ZNF280C: variants seen among roughly 807,000 people sequenced by gnomAD.
ZNF280C encodes suppressor of hairy wing homolog 3.
ZNF280C carries 14 observed loss-of-function variants against 53.6 expected under a neutral mutation model. The ratio of observed to expected loss-of-function variants is 0.26; its 90% CI spans 0.17 to 0.41. ZNF280C has a LOEUF of 0.41. Ranked by LOEUF, ZNF280C falls within the 10% of genes least tolerant of loss-of-function variation. The probability of loss-of-function intolerance (pLI) is 1.00; values close to 1 mark genes in which losing one functional copy is unlikely to be tolerated. For synonymous variants in ZNF280C, 203 were observed against 181.1 expected (o/e 1.12, Z -0.97); for missense variants, 416 against 547.1 (o/e 0.76, Z 2.39).
chrX:130,223,502 A>G (rs2032190668), intron 12 of ZNF280C, among the ~76,000 whole-genome samples: 1 of 112,210 alleles, frequency 8.9e-6, no homozygotes, highest in Non-Finnish European at 1.9e-5. Context: ...CACTGGGCAA[A>G]TTACTTTCTA....
intron 1 of ZNF280C, among the ~76,000 whole-genome samples, chrX:130,264,948 A>G (rs190568927): frequency 1.2e-4 from 14 of 112,062 alleles, no homozygotes; most frequent in Non-Finnish European, 2.3e-4. Context: ...TTCCTTAGAC[A>G]ATTTGACTGG....
chrX:130,220,454 T>C lies in ZNF280C; in HGVS notation c.1422A>G (p.Lys474=), dbSNP rs144797863. Residue 474 remains lysine, a synonymous_variant, in exon 13 of 19, where the codon AAA becomes AAG. Transcript: ENST00000370978. ...TGCTGGTCAAAAATTGTAGTCTGCA[T>C]TTTGGGCAACGATGAACTCCTTTTT... The part of the protein sequence containing the change: ...HQKKGVHRCP[K]CRLQFLTSKE... The C allele has an allele frequency of 2.3e-5, 28 of 1,198,947 alleles. No individual in the cohort carries two copies. In the African/African-American group the frequency reaches 4.2e-4, roughly 18 times the overall value.
intron 8 of ZNF280C, among the ~76,000 whole-genome samples, chrX:130,232,417 A>T (rs1470733917): frequency 9.1e-6 from 1 of 109,718 alleles, no homozygotes; most frequent in Non-Finnish European, 1.9e-5. Flanking sequence ...CTCTAAGAAT[A>T]ACTGGATAAA....
Position 130,203,341 on chromosome X carries a change from A to G in ZNF280C, c.*1636T>C, listed in dbSNP as rs2031934215. 9.0e-6 allele frequency: 1 copy of G among 111,617 alleles called. No homozygotes were observed. Among genetic ancestry groups the G allele is most frequent in the Non-Finnish European group, 1.9e-5 (1 of 53,124 alleles). 9.2% of individuals were successfully genotyped at this position (111,617 alleles called of 1,213,427 possible). A position where few individuals can be genotyped will look rare whatever the true frequency, so the allele number is the denominator to read the frequency against. ...CAATATAAAACCTAGCTACCAAAATAAAATTAAAAAAAAAGTTTAAAAATG... is the reference window on the plus strand; with the variant it reads ...CAATATAAAACCTAGCTACCAAAATGAAATTAAAAAAAAAGTTTAAAAATG... On this transcript the variant is annotated 3_prime_UTR_variant, in exon 19 of 19. Coordinates refer to ENST00000370978, the MANE Select transcript of ZNF280C (RefSeq NM_017666.5).
chrX:130,245,784 C>CTT (rs72420800), intron 3 of ZNF280C, among the ~76,000 whole-genome samples: 26 of 103,430 alleles, frequency 2.5e-4, no homozygotes, highest in Admixed American at 3.2e-4. Context: ...TATTTGAGGA[C>CTT]TTTTTTTTTT....
chrX:130,232,122 G>A (rs968525037), intron 8 of ZNF280C, among the ~76,000 whole-genome samples: 4 of 106,974 alleles, frequency 3.7e-5, no homozygotes, highest in African/African-American at 1.4e-4. Flanking sequence ...AGCCTGGTTG[G>A]AACTAGACTT....
rs759628718 is a variant in ZNF280C, at chrX:130,219,692, G to A, written c.1527+657C>T. Among the ~76,000 whole-genome samples, 4 of 109,643 alleles carry A rather than the reference G, an allele frequency of 3.6e-5. No individual in the cohort carries two copies. In the East Asian group the frequency reaches 1.1e-3, roughly 31 times the overall value. On this transcript the variant is annotated intron_variant, in intron 13 of 18. Coordinates refer to ENST00000370978, the MANE Select transcript of ZNF280C (RefSeq NM_017666.5). ...TGGCATTCAAGGCACTGTGACAGATGCTGGGGACACAAAGATAAATTAAAT... is the reference window on the plus strand; with the variant it reads ...TGGCATTCAAGGCACTGTGACAGATACTGGGGACACAAAGATAAATTAAAT...
At chrX:130,221,342 C>T (rs1341007722) in intron 12 of ZNF280C, among the ~76,000 whole-genome samples, 1 of 111,435 alleles carries the variant, frequency 9.0e-6, no homozygotes, top group East Asian at 2.8e-4. Flanking sequence ...TAGAATGTTC[C>T]CGCAGAGTAC....
At chrX:130,229,214 A>C in intron 9 of ZNF280C, 80 bp from the exon 10 acceptor site, 1 of 961,826 alleles carries the variant, frequency 1.0e-6, no homozygotes, top group South Asian at 2.8e-5. Context: ...TCTGAAAATA[A>C]ATTTTTAAAA....
intron 15 of ZNF280C, among the ~76,000 whole-genome samples, chrX:130,214,220 CCT>C (rs76825973): frequency 0.051 from 5,700 of 111,168 alleles, 159 homozygotes; most frequent in Admixed American, 0.082. Context: ...AAAGCAAGCC[CCT>C]GTGAATGAGG....
intron 8 of ZNF280C, among the ~76,000 whole-genome samples, chrX:130,231,062 C>G (rs1236333526): frequency 9.0e-6 from 1 of 111,237 alleles, no homozygotes; most frequent in Non-Finnish European, 1.9e-5. Flanking sequence ...CAAAATCACC[C>G]ATTTCATATC....
chrX:130,263,472 T>C (rs775592635), intron 1 of ZNF280C, among the ~76,000 whole-genome samples: 1 of 112,204 alleles, frequency 8.9e-6, no homozygotes, highest in Non-Finnish European at 1.9e-5. Flanking sequence ...ACATATTGTA[T>C]GATTTCATTC....
At chrX:130,214,231 G>A (rs1415684367) in intron 15 of ZNF280C, among the ~76,000 whole-genome samples, 5 of 111,648 alleles carry the variant, frequency 4.5e-5, no homozygotes, top group African/African-American at 1.6e-4. Context: ...CTGTGAATGA[G>A]GTTCAAATGA....
chrX:130,251,852 G>C (rs2032516580), intron 2 of ZNF280C, among the ~76,000 whole-genome samples: 1 of 110,118 alleles, frequency 9.1e-6, no homozygotes, highest in African/African-American at 3.3e-5. Context: ...AGAGGCTCAC[G>C]ACCTTAATCC....
At chrX:130,215,718 A>G in intron 14 of ZNF280C, 73 bp downstream of exon 14, 1 of 964,415 alleles carries the variant, frequency 1.0e-6, no homozygotes, top group Non-Finnish European at 1.4e-6. Context: ...AATGTGTAAG[A>G]GGGTTTTATG....
chrX:130,223,715 T>C (rs946009925), intron 12 of ZNF280C, among the ~76,000 whole-genome samples: 2 of 112,125 alleles, frequency 1.8e-5, no homozygotes, highest in Non-Finnish European at 3.8e-5. Flanking sequence ...CGTCCTTTGT[T>C]AAAAAATGTA....
At chrX:130,238,248 T>C (rs949979493) in intron 6 of ZNF280C, among the ~76,000 whole-genome samples, 1 of 111,570 alleles carries the variant, frequency 9.0e-6, no homozygotes, top group African/African-American at 3.2e-5. Flanking sequence ...TCCTTTAAAA[T>C]TGATAATGCA....
intron 2 of ZNF280C, among the ~76,000 whole-genome samples, chrX:130,251,912 AAGACC>A (rs1308218464): frequency 1.8e-5 from 2 of 111,677 alleles, no homozygotes; most frequent in Admixed American, 1.9e-4. Context: ...TCAAGAGTTT[AAGACC>A]AGCCTGGCCA....
chrX:130,258,934 T>C (rs188750219), intron 2 of ZNF280C, among the ~76,000 whole-genome samples: 1 of 112,011 alleles, frequency 8.9e-6, no homozygotes, highest in African/African-American at 3.2e-5. Flanking sequence ...AATATCTACC[T>C]AATAGAAGTG....
Sources: allele counts gnomAD v4.1 joint callset (sites outside exome capture counted in the v4.1 genomes callset), GRCh38; gene constraint gnomAD v4.1.1; transcripts MANE v1.5; gene names NCBI Gene and HGNC (gene_info 2026-07-23, HGNC 2026-07-21).